DLG2: variants seen among roughly 807,000 people sequenced by gnomAD.
DLG2 encodes the protein disks large homolog 2.
DLG2 carries 45 observed loss-of-function variants against 132.5 expected under a neutral mutation model. The ratio of observed to expected loss-of-function variants is 0.34; its 90% CI spans 0.27 to 0.44. The LOEUF is 0.44. DLG2 is among the 20% of genes least tolerant of loss of function. The pLI is 1.00. For synonymous variants in DLG2, 424 were observed against 419.6 expected, an observed-to-expected ratio of 1.01 and a Z score of -0.13; for missense variants, 1,045 against 1,196.9, an observed-to-expected ratio of 0.87 and a Z score of 1.87.
At chr11:83,494,378 C>A (rs2094033107) in intron 21 of DLG2, among the ~76,000 whole-genome samples, 1 of 150,220 alleles carries the variant, frequency 6.7e-6, no homozygotes, top group Admixed American at 6.7e-5. Flanking sequence ...ATGCCAGCTC[C>A]ACCACCATCC....
At chr11:83,480,724 C>A in intron 22 of DLG2, 1 of 1,075,150 alleles carries the variant, frequency 9.3e-7, no homozygotes, top group Admixed American at 2.2e-5. Context: ...ATACCTCTGA[C>A]TTTCAAGATT....
chr11:83,725,880 A>T (rs2089903812), intron 18 of DLG2, among the ~76,000 whole-genome samples: 1 of 152,182 alleles, frequency 6.6e-6, no homozygotes, highest in Non-Finnish European at 1.5e-5. Flanking sequence ...TTATCACTGC[A>T]GTTCGGTTTA....
chr11:85,303,309 A>G (rs535436943), intron 3 of DLG2, among the ~76,000 whole-genome samples: 1 of 152,320 alleles, frequency 6.6e-6, no homozygotes, highest in East Asian at 1.9e-4. Context: ...TACCATATGT[A>G]TCTTAATCAT....
At chr11:84,777,010 T>C (rs1272460168) in intron 6 of DLG2, among the ~76,000 whole-genome samples, 1 of 152,024 alleles carries the variant, frequency 6.6e-6, no homozygotes. Context: ...ACATACATTG[T>C]ACCCATTAAG....
At chr11:84,083,068 TC>T (rs2096926896) in intron 10 of DLG2, among the ~76,000 whole-genome samples, 1 of 152,014 alleles carries the variant, frequency 6.6e-6, no homozygotes, top group African/African-American at 2.4e-5. Context: ...TCACCTGAGG[TC>T]AGGAGTTCAA....
At chr11:84,203,021 T>C (rs1266534112) in intron 8 of DLG2, among the ~76,000 whole-genome samples, 1 of 152,182 alleles carries the variant, frequency 6.6e-6, no homozygotes, top group Non-Finnish European at 1.5e-5. Context: ...GGTGGGAGTG[T>C]AAATTAGTTC....
chr11:85,486,047 C>T (rs2093421224), intron 3 of DLG2, among the ~76,000 whole-genome samples: 1 of 152,162 alleles, frequency 6.6e-6, no homozygotes, highest in South Asian at 2.1e-4. Context: ...TCTACTTGCC[C>T]ACAGTGCGCC....
chr11:85,430,846 G>GT (rs1326657858), intron 3 of DLG2, among the ~76,000 whole-genome samples: 5 of 55,214 alleles, frequency 9.1e-5, no homozygotes, highest in Non-Finnish European at 1.1e-4. Context: ...AAGCTAGCCA[G>GT]TCAAAAAAAA....
chr11:83,942,166 C>T (rs73508299), intron 14 of DLG2, among the ~76,000 whole-genome samples: 2,028 of 152,122 alleles, frequency 0.013, 41 homozygotes, highest in African/African-American at 0.047. Context: ...AAAAACATTC[C>T]TGTGTAAGTA....
intron 21 of DLG2, among the ~76,000 whole-genome samples, chr11:83,505,551 T>A (rs1382898442): frequency 6.6e-6 from 1 of 152,208 alleles, no homozygotes; most frequent in Non-Finnish European, 1.5e-5. Context: ...TCTTCATGTT[T>A]TTTTACCTCT....
intron 19 of DLG2, among the ~76,000 whole-genome samples, chr11:83,583,870 G>C (rs1389126519): frequency 1.3e-5 from 2 of 152,182 alleles, no homozygotes; most frequent in Non-Finnish European, 2.9e-5. Flanking sequence ...TATGTTTGTA[G>C]TGTATCAGAT....
intron 17 of DLG2, among the ~76,000 whole-genome samples, chr11:83,830,067 C>A (rs1389882791): frequency 6.6e-6 from 1 of 152,156 alleles, no homozygotes; most frequent in Non-Finnish European, 1.5e-5. Context: ...TTCTAGCTAG[C>A]TACAGGTGAA....
intron 6 of DLG2, among the ~76,000 whole-genome samples, chr11:84,700,919 T>C (rs1384291952): frequency 6.6e-6 from 1 of 151,602 alleles, no homozygotes; most frequent in Non-Finnish European, 1.5e-5. Flanking sequence ...TTCCCCAGTC[T>C]AGCACTTAAA....
intron 7 of DLG2, among the ~76,000 whole-genome samples, chr11:84,524,098 C>T (rs1169160186): frequency 6.6e-6 from 1 of 152,034 alleles, no homozygotes; most frequent in Admixed American, 6.5e-5. Flanking sequence ...CTAATGATAG[C>T]TGAGGAGCTT....
chr11:83,504,073 GAAATA>G (rs894709029), intron 21 of DLG2, among the ~76,000 whole-genome samples: 14 of 152,120 alleles, frequency 9.2e-5, no homozygotes, highest in African/African-American at 3.4e-4. Context: ...AAGGAAAAAG[GAAATA>G]AAATGAAGAT....
intron 6 of DLG2, among the ~76,000 whole-genome samples, chr11:84,980,245 G>A (rs916919866): frequency 1.3e-5 from 2 of 151,974 alleles, no homozygotes; most frequent in Non-Finnish European, 2.9e-5. Flanking sequence ...CCTCTCATAT[G>A]GAGTATTAAT....
At chr11:83,606,895 C>G (rs1379240986) in intron 19 of DLG2, among the ~76,000 whole-genome samples, 1 of 151,982 alleles carries the variant, frequency 6.6e-6, no homozygotes. Flanking sequence ...CCACTGCACT[C>G]CAGCCTGGGC....
intron 7 of DLG2, among the ~76,000 whole-genome samples, chr11:84,519,851 G>T (rs2099289448): frequency 6.6e-6 from 1 of 152,186 alleles, no homozygotes; most frequent in Admixed American, 6.5e-5. Flanking sequence ...TCCATAGGAA[G>T]TCCATAGATG....
At chr11:84,539,928 C>T (rs1455481036) in intron 6 of DLG2, among the ~76,000 whole-genome samples, 1 of 152,102 alleles carries the variant, frequency 6.6e-6, no homozygotes, top group African/African-American at 2.4e-5. Flanking sequence ...CTGACAAAAA[C>T]AAGAAATGGG....
Sources: gnomAD v4.1 joint callset for allele counts (sites outside exome capture counted in the v4.1 genomes callset) on GRCh38, gnomAD v4.1.1 for gene constraint, MANE v1.5 for transcripts, NCBI Gene and HGNC (gene_info 2026-07-23, HGNC 2026-07-21) for gene names.